MDM4: variants seen among roughly 807,000 people sequenced by gnomAD.
MDM4 encodes the protein MDM4 regulator of p53, also known as protein Mdm4.
Under a neutral mutation model 60.2 loss-of-function variants are expected in MDM4, and 2 were observed. The ratio of observed to expected loss-of-function variants is 0.03; its 90% CI spans 0.01 to 0.10. The LOEUF is 0.10. MDM4 is among the 10% of genes least tolerant of loss of function. The pLI, the probability that MDM4 is intolerant of heterozygous loss-of-function variation, is 1.00. For synonymous variants in MDM4, 202 were observed against 198.1 expected, an observed-to-expected ratio of 1.02 and a Z score of -0.17; for missense variants, 447 against 577.5, an observed-to-expected ratio of 0.77 and a Z score of 2.32.
At chr1:204,525,377 A>C (rs1660023802) in intron 1 of MDM4, 107 bp from the exon 2 acceptor site, 2 of 1,432,086 alleles carry the variant, frequency 1.4e-6, no homozygotes, top group African/African-American at 2.9e-5. Context: ...GTGCTCCATT[A>C]TATGTGTCAT....
At chr1:204,547,781 T>C (rs956223996) in intron 10 of MDM4, among the ~76,000 whole-genome samples, 12 of 152,256 alleles carry the variant, frequency 7.9e-5, no homozygotes, top group African/African-American at 2.9e-4. Flanking sequence ...TGGAATGCAA[T>C]GGCATAATCT....
intron 8 of MDM4, 152 bp downstream of exon 8, chr1:204,543,096 A>G (rs1350107638): frequency 4.7e-6 from 3 of 641,926 alleles, no homozygotes; most frequent in Non-Finnish European, 7.8e-6. Context: ...CCAAATCTGT[A>G]TCTCTAGTCC....
intron 1 of MDM4, among the ~76,000 whole-genome samples, chr1:204,523,862 C>T (rs1011318568): frequency 6.6e-6 from 1 of 152,142 alleles, no homozygotes; most frequent in African/African-American, 2.4e-5. Flanking sequence ...TTATCCCTGA[C>T]GCAGGTAGCC....
chr1:204,525,600 A>T lies in MDM4; in HGVS notation c.78+4A>T, dbSNP rs372119806. ...CTCTCCTGGACAAATCAATCAGGTA[A>T]ATCATTTTCGGTATTTCTAGTTTTT... On this transcript the variant is annotated splice_donor_region_variant and intron_variant, in intron 2 of 10. Coordinates refer to ENST00000367182, the MANE Select transcript of MDM4 (RefSeq NM_002393.5). 7 of 1,562,112 alleles carry T rather than the reference A, an allele frequency of 4.5e-6. No individual in the cohort carries two copies. The African/African-American group carries it at 8.3e-5, about 19-fold the overall frequency.
At chr1:204,520,443 A>T (rs1490185137) in intron 1 of MDM4, among the ~76,000 whole-genome samples, 5 of 152,016 alleles carry the variant, frequency 3.3e-5, no homozygotes, top group African/African-American at 1.2e-4. Context: ...TTGATGCAGT[A>T]AAATGTATAA....
At chr1:204,537,888 C>T (rs1452811598) in intron 6 of MDM4, 2 of 675,766 alleles carry the variant, frequency 3.0e-6, no homozygotes, top group Non-Finnish European at 2.8e-6. Context: ...TGGTACGTGG[C>T]GAGGGTTTCA....
intron 3 of MDM4, chr1:204,528,856 G>A (rs901622983): frequency 7.7e-6 from 12 of 1,560,482 alleles, no homozygotes; most frequent in African/African-American, 6.8e-5. Context: ...CATAGCATCC[G>A]AGCTGTCATG....
intron 3 of MDM4, chr1:204,528,845 T>C (rs1660532150): frequency 1.3e-5 from 20 of 1,544,134 alleles, no homozygotes; most frequent in Non-Finnish European, 1.6e-5. Flanking sequence ...ATGGGTTGGG[T>C]CATAGCATCC....
chr1:204,543,293 C>T (rs925735025), intron 8 of MDM4, among the ~76,000 whole-genome samples: 3 of 152,110 alleles, frequency 2.0e-5, no homozygotes, highest in Non-Finnish European at 4.4e-5. Context: ...ATTGCTTGAG[C>T]CCAGGAGTTT....
chr1:204,525,372 C>G, intron 1 of MDM4, 112 bp from the exon 2 acceptor site: 2 of 1,428,390 alleles, frequency 1.4e-6, no homozygotes, highest in South Asian at 3.1e-5. Flanking sequence ...GTACGGTGCT[C>G]CATTATATGT....
intron 3 of MDM4, among the ~76,000 whole-genome samples, chr1:204,528,494 A>G (rs1660474442): frequency 1.3e-5 from 2 of 152,218 alleles, no homozygotes; most frequent in East Asian, 1.9e-4. Flanking sequence ...AACACTCGCC[A>G]CTGGCATCAG....
At chr1:204,525,670 G>A (rs2102315972) in intron 2 of MDM4, 74 bp downstream of exon 2, 2 of 998,816 alleles carry the variant, frequency 2.0e-6, no homozygotes, top group Non-Finnish European at 3.0e-6. Flanking sequence ...GCTGTCTCAT[G>A]ACTGTAATCC....
Position 204,555,937 on chromosome 1 carries a change from T to A in MDM4, c.*6255T>A, listed in dbSNP as rs974363972. 1 of 192,350 alleles carries A rather than the reference T, an allele frequency of 5.2e-6. No individual in the cohort carries two copies. Among genetic ancestry groups the A allele is most frequent in the Non-Finnish European group, 1.1e-5 (1 of 93,250 alleles). The allele number at this position is 192,350 out of a possible 1,614,324, so 11.9% of individuals were successfully genotyped here. On this transcript the variant is annotated 3_prime_UTR_variant, in exon 11 of 11. Coordinates refer to ENST00000367182, the MANE Select transcript of MDM4 (RefSeq NM_002393.5). The stretch of plus-strand genomic sequence containing the variant: ...TATCTGAAGGCACTGTTTTTTTTTT[T>A]AAACAGTTAAGTACTGATGTCAACA...
At position 204,549,685 on chromosome 1, in the gene MDM4, G is replaced by C; in HGVS notation, c.*3G>C. 6.8e-7 allele frequency: 1 copy of C among 1,468,420 alleles called. No individual in the cohort carries two copies. The highest frequency in any genetic ancestry group is 9.2e-7 in the Non-Finnish European group (1 of 1,089,822). 91.0% of individuals were successfully genotyped at this position (1,468,420 alleles called of 1,614,324 possible). A position where few individuals can be genotyped will look rare whatever the true frequency, so the allele number is the denominator to read the frequency against. Reference sequence around the variant, plus strand: ...TTATTAAGGTTTTTATAGCATAATGGTAGTACGAACATAAAAATGCATTTA... The same window carrying C: ...TTATTAAGGTTTTTATAGCATAATGCTAGTACGAACATAAAAATGCATTTA... On this transcript the variant is annotated 3_prime_UTR_variant, in exon 11 of 11. Coordinates refer to ENST00000367182, the MANE Select transcript of MDM4 (RefSeq NM_002393.5).
chr1:204,549,852 C>A lies in MDM4; in HGVS notation c.*170C>A. The A allele has an allele frequency of 2.0e-6, 1 of 509,192 alleles. No homozygotes were observed. Among genetic ancestry groups the A allele is most frequent in the South Asian group, 3.7e-5 (1 of 27,390 alleles). The allele number at this position is 509,192 out of a possible 1,614,324, so 31.5% of individuals were successfully genotyped here. ...GCTAACAATGAAGAACAGAAGTAAT[C>A]TGATTAGTCAAATTATTAAGTGCCA... On this transcript the variant is annotated 3_prime_UTR_variant, in exon 11 of 11. Coordinates refer to ENST00000367182, the MANE Select transcript of MDM4 (RefSeq NM_002393.5).
intron 9 of MDM4, 30 bp from the exon 10 acceptor site, chr1:204,546,767 A>T: frequency 6.7e-7 from 1 of 1,483,096 alleles, no homozygotes. Flanking sequence ...ACAAGTAAAC[A>T]TTACTAATGA....
chr1:204,542,664 C>G, intron 7 of MDM4, 120 bp from the exon 8 acceptor site: 1 of 744,424 alleles, frequency 1.3e-6, no homozygotes, highest in Non-Finnish European at 2.0e-6. Context: ...CTGGTTCTTT[C>G]TTTCTTAGAA....
At position 204,553,910 on chromosome 1, in the gene MDM4, T is replaced by C. The variant is rs1006301557; in HGVS notation, c.*4228T>C. 1.3e-5 allele frequency: 3 copies of C among 224,552 alleles called. No homozygotes were observed. The highest frequency in any genetic ancestry group is 1.1e-4 in the Admixed American group (2 of 17,482). 13.9% of individuals were successfully genotyped at this position (224,552 alleles called of 1,614,324 possible). A position where few individuals can be genotyped will look rare whatever the true frequency, so the allele number is the denominator to read the frequency against. ...CTAATCCTAGGCTTGTACAATGGAT[T>C]GGAGTTGAGCCATGCCAGCCTCCAC... On this transcript the variant is annotated 3_prime_UTR_variant, in exon 11 of 11. Coordinates refer to ENST00000367182, the MANE Select transcript of MDM4 (RefSeq NM_002393.5).
At chr1:204,521,055 A>G (rs934072110) in intron 1 of MDM4, among the ~76,000 whole-genome samples, 2 of 152,160 alleles carry the variant, frequency 1.3e-5, no homozygotes, top group African/African-American at 2.4e-5. Flanking sequence ...CTTGACTCCA[A>G]CAACTTACTC....
Sources: allele counts gnomAD v4.1 joint callset (sites outside exome capture counted in the v4.1 genomes callset), GRCh38; gene constraint gnomAD v4.1.1; transcripts MANE v1.5; gene names NCBI Gene and HGNC (gene_info 2026-07-23, HGNC 2026-07-21).